The following PASD1 variants were observed in gnomAD, a reference collection of about 807,000 sequenced individuals.
PASD1 encodes the protein circadian clock protein PASD1.
Under a neutral mutation model 58.8 loss-of-function variants are expected in PASD1, and 13 were observed. The observed-to-expected ratio is 0.22, with a 90% CI of 0.14 to 0.35. The LOEUF is 0.35. Among genes scored for constraint, PASD1 ranks in the 10% least tolerant of loss-of-function variants. PASD1 has a pLI of 1.00. For missense variants in PASD1, 734 were observed against 568.3 expected, an observed-to-expected ratio of 1.29 and a Z score of -2.96; for synonymous variants, 236 against 216.7, an observed-to-expected ratio of 1.09 and a Z score of -0.78.
rs2013561713 is a variant in PASD1, at chrX:151,611,717, G to A, written c.171G>A (p.Val57=). Residue 57 remains valine (V), a synonymous_variant, in exon 4 of 16, where the codon GTG becomes GTA. Coordinates refer to ENST00000370357, the MANE Select transcript of PASD1 (RefSeq NM_173493.3). ...TLSTDGVIIC[V]AENISSLLGH... The stretch of plus-strand genomic sequence containing the variant: ...GCACAGATGGAGTGATCATTTGTGT[G>A]GCTGAAAACATCTCTTCTCTTCTTG... 1 of 1,206,720 alleles carries A rather than the reference G, an allele frequency of 8.3e-7. No individual in the cohort carries two copies. The highest frequency in any genetic ancestry group is 1.1e-6 in the Non-Finnish European group (1 of 892,696).
rs964903131 is a variant in PASD1, at chrX:151,604,186, G to A, written c.29-460G>A. On this transcript the variant is annotated intron_variant, in intron 2 of 15. Transcript: ENST00000370357. ...TTTGAAGAGATAAAAGATAAGGCTT[G>A]AAGATATTCTAGTTAAGGAACCTTG... Among the ~76,000 whole-genome samples the A allele has an allele frequency of 2.7e-5, 3 of 111,760 alleles. No individual in the cohort carries two copies. The Admixed American group carries it at 2.9e-4, about 11-fold the overall frequency.
intron 2 of PASD1, 46 bp from the exon 3 acceptor site, chrX:151,604,600 A>G: frequency 1.0e-6 from 1 of 970,048 alleles, no homozygotes; most frequent in African/African-American, 1.9e-5. Context: ...ATAGCTAATC[A>G]TTTTAATGTG....
chrX:151,643,462 C>T (rs1438912452), intron 8 of PASD1, among the ~76,000 whole-genome samples: 1 of 111,288 alleles, frequency 9.0e-6, no homozygotes. Flanking sequence ...AACATATGAG[C>T]CTATCGATTT....
In PASD1 at chrX:151,676,574, G is replaced by T; in HGVS notation, c.*431G>T. The T allele has an allele frequency of 8.5e-6, 1 of 117,343 alleles. No homozygotes were observed. The highest frequency in any genetic ancestry group is 1.8e-5 in the Non-Finnish European group (1 of 56,050). The allele number at this position is 117,343 out of a possible 1,213,427, so 9.7% of individuals were successfully genotyped here. On this transcript the variant is annotated 3_prime_UTR_variant, in exon 16 of 16. Transcript: ENST00000370357. ...TTTGTCTTAGCCACAAGAATTCCGA[G>T]GTCTTGACCCTGATGATCAACCTGC...
intron 1 of PASD1, among the ~76,000 whole-genome samples, chrX:151,572,580 A>T (rs961721201): frequency 8.9e-6 from 1 of 111,843 alleles, no homozygotes. Context: ...TCATTTATAT[A>T]TGAAAATCTT....
intron 9 of PASD1, among the ~76,000 whole-genome samples, chrX:151,651,537 A>G (rs1420227164): frequency 8.9e-6 from 1 of 111,952 alleles, no homozygotes; most frequent in Non-Finnish European, 1.9e-5. Context: ...GATTACTTGC[A>G]AATGAGAGTC....
At chrX:151,603,024 T>TAA (rs2013439981) in intron 2 of PASD1, among the ~76,000 whole-genome samples, 1 of 112,762 alleles carries the variant, frequency 8.9e-6, no homozygotes, top group Non-Finnish European at 1.9e-5. Flanking sequence ...AATACCTTCC[T>TAA]AGTAAGGCTT....
At chrX:151,578,451 A>T (rs1330157358) in intron 1 of PASD1, 1 of 112,205 alleles carries the variant, frequency 8.9e-6, no homozygotes, top group Non-Finnish European at 1.9e-5. Context: ...CCATCAGCTA[A>T]TTGCAGTGTC....
intron 11 of PASD1, among the ~76,000 whole-genome samples, chrX:151,667,024 C>A (rs896510414): frequency 1.3e-4 from 15 of 111,145 alleles, no homozygotes; most frequent in African/African-American, 5.0e-4. Context: ...GTTCCTATTT[C>A]TCCACATCCT....
rs908789418 is a variant in PASD1 at position 151,597,160 on chromosome X, A to G, written c.-27-4367A>G. ...TTCTCTGGTTTGGTATGAAGAATAT[A>G]CTAGCATTATAAAATAGATTGGGTA... On this transcript the variant is annotated intron_variant, in intron 1 of 15. Transcript: ENST00000370357. Among the ~76,000 whole-genome samples, 3 of 112,117 alleles carry G rather than the reference A, an allele frequency of 2.7e-5. No individual in the cohort carries two copies. In the Admixed American group the frequency reaches 2.8e-4, roughly 11 times the overall value.
chrX:151,627,820 G>A (rs77860115), intron 8 of PASD1, among the ~76,000 whole-genome samples: 6,390 of 111,326 alleles, frequency 0.057, 185 homozygotes, highest in Non-Finnish European at 0.089. Flanking sequence ...CAGTCCCACC[G>A]ACAGTGTAAA....
chrX:151,620,842 C>CTGAA (rs976690846), intron 4 of PASD1, 88 bp from the exon 5 acceptor site: 2 of 538,155 alleles, frequency 3.7e-6, no homozygotes, highest in African/African-American at 4.9e-5. Flanking sequence ...GATAGAGGAA[C>CTGAA]TGAACAGTAT....
At chrX:151,569,050 A>G (rs765799155) in intron 1 of PASD1, among the ~76,000 whole-genome samples, 13 of 111,515 alleles carry the variant, frequency 1.2e-4, no homozygotes, top group South Asian at 7.7e-4. Context: ...TGATTTTGCA[A>G]TTCCCCCTAC....
intron 1 of PASD1, among the ~76,000 whole-genome samples, chrX:151,571,713 T>G (rs1316082401): frequency 1.8e-5 from 2 of 112,122 alleles, no homozygotes; most frequent in Non-Finnish European, 3.8e-5. Flanking sequence ...ATGACTTTTC[T>G]TTCAGTACTT....
intron 11 of PASD1, among the ~76,000 whole-genome samples, chrX:151,667,284 G>A (rs1307578658): frequency 2.7e-5 from 3 of 111,825 alleles, no homozygotes; most frequent in African/African-American, 3.3e-5. Flanking sequence ...GTTATTAGCC[G>A]TTTGTCAGAT....
intron 15 of PASD1, 32 bp downstream of exon 15, chrX:151,674,218 C>T (rs756909343): frequency 3.7e-5 from 44 of 1,205,144 alleles, no homozygotes; most frequent in South Asian, 2.0e-4. Context: ...TTCCTTCCAG[C>T]GCAGGTCAAG....
chrX:151,588,049 G>A (rs113156316), intron 1 of PASD1, among the ~76,000 whole-genome samples: 2,315 of 111,840 alleles, frequency 0.021, 33 homozygotes, highest in Middle Eastern at 0.05. Flanking sequence ...CTGATTAAAT[G>A]CCTTTAATAA....
intron 8 of PASD1, among the ~76,000 whole-genome samples, chrX:151,628,923 A>C (rs1256808030): frequency 9.0e-6 from 1 of 111,003 alleles, no homozygotes; most frequent in Non-Finnish European, 1.9e-5. Context: ...TGTAAGTTGG[A>C]TTCCTAGGTA....
chrX:151,605,431 T>C (rs2013476074), intron 3 of PASD1, among the ~76,000 whole-genome samples: 1 of 111,621 alleles, frequency 9.0e-6, no homozygotes, highest in Non-Finnish European at 1.9e-5. Context: ...CAGTACTGGC[T>C]GACCACCCAG....
Sources: allele counts gnomAD v4.1 joint callset (sites outside exome capture counted in the v4.1 genomes callset), GRCh38; gene constraint gnomAD v4.1.1; transcripts MANE v1.5; gene names NCBI Gene and HGNC (gene_info 2026-07-23, HGNC 2026-07-21).